Variants in DNAH11 observed in about 807,000 individuals in gnomAD.
DNAH11 encodes axonemal beta dynein heavy chain 11.
A neutral mutation model predicts 526.0 loss-of-function variants in DNAH11; 442 were observed. The observed-to-expected ratio is 0.84, with a 90% confidence interval of 0.78 to 0.91. DNAH11 has a LOEUF of 0.91. Among genes scored for constraint, DNAH11 ranks in the 40% least tolerant of loss-of-function variants. The pLI is 0.00. For synonymous variants in DNAH11, 2,461 were observed against 1,935.9 expected, an observed-to-expected ratio of 1.27 and a Z score of -7.12; for missense variants, 6,989 against 5,448.7, an observed-to-expected ratio of 1.28 and a Z score of -8.90.
rs538241088 is a variant in DNAH11 at position 21,594,945 on chromosome 7, A to C, written c.2667+3368A>C. Among the ~76,000 whole-genome samples the C allele has an allele frequency of 1.4e-4, 22 of 152,290 alleles. No homozygotes were observed. In the South Asian group the frequency reaches 4.6e-3, roughly 32 times the overall value. ...AAATACAATCTGACTTTCATTCTAA[A>C]AGGATTTCTGGCTGTTGTGTTGAGA... On this transcript the variant is annotated intron_variant, in intron 14 of 81. Coordinates refer to ENST00000409508, the MANE Select transcript of DNAH11 (RefSeq NM_001277115.2).
chr7:21,845,075 TTA>T (rs1491388820), intron 66 of DNAH11, among the ~76,000 whole-genome samples: 1 of 152,200 alleles, frequency 6.6e-6, no homozygotes, highest in Non-Finnish European at 1.5e-5. Context: ...TATTTTTTTT[TTA>T]TGTTAGCATA....
intron 31 of DNAH11, 194 bp downstream of exon 31, chr7:21,681,871 G>A: frequency 1.4e-6 from 1 of 736,518 alleles, no homozygotes; most frequent in Non-Finnish European, 2.3e-6. Flanking sequence ...CCTATTCCAA[G>A]TGATATCCCA....
At position 21,868,980 on chromosome 7, in the gene DNAH11, G is replaced by T; in HGVS notation, c.11956G>T (p.Val3986Phe). 1 of 1,613,964 alleles carries T rather than the reference G, an allele frequency of 6.2e-7. No homozygotes were observed. The highest frequency in any genetic ancestry group is 8.5e-7 in the Non-Finnish European group (1 of 1,179,876). ...LEKASKGGHWVILQNVHLVAK... is the reference protein window; with the variant it reads ...LEKASKGGHWFILQNVHLVAK... The stretch of plus-strand genomic sequence containing the variant: ...GAAAGCTTCCAAAGGAGGACACTGG[G>T]TCATCCTCCAAGTGAGTATTAAGTT... The change falls in exon 73 of 82, where the codon GTC (valine) becomes TTC (phenylalanine). Residue 3986 changes from valine to phenylalanine, a missense_variant. Val to Phe is a conservative substitution (Grantham distance 50, BLOSUM62 -1). Transcript: ENST00000409508.
intron 18 of DNAH11, among the ~76,000 whole-genome samples, chr7:21,602,557 T>TTGTGTGTGTG (rs60703018): frequency 2.7e-5 from 4 of 149,126 alleles, no homozygotes; most frequent in East Asian, 4.0e-4. Context: ...ATTTTATAGA[T>TTGTGTGTGTG]TGTGTGTGTG....
chr7:21,754,162 T>C (rs1786527977), intron 54 of DNAH11, among the ~76,000 whole-genome samples: 2 of 152,192 alleles, frequency 1.3e-5, no homozygotes, highest in Admixed American at 1.3e-4. Context: ...ATTTTGATAA[T>C]AGTAGGAATT....
At chr7:21,665,584 T>C (rs1238636953) in intron 30 of DNAH11, among the ~76,000 whole-genome samples, 1 of 152,148 alleles carries the variant, frequency 6.6e-6, no homozygotes, top group Non-Finnish European at 1.5e-5. Flanking sequence ...CATATCCCAG[T>C]AGCTTTGGCT....
chr7:21,553,903 C>G (rs1313425629), intron 2 of DNAH11, among the ~76,000 whole-genome samples: 1 of 149,518 alleles, frequency 6.7e-6, no homozygotes, highest in Non-Finnish European at 1.5e-5. Context: ...ATCCATTAAT[C>G]CTTTGTAATT....
At chr7:21,573,028 C>G (rs1783954933) in intron 8 of DNAH11, among the ~76,000 whole-genome samples, 1 of 152,130 alleles carries the variant, frequency 6.6e-6, no homozygotes, top group Admixed American at 6.5e-5. Flanking sequence ...GAGTGTGAGA[C>G]TGAGCCTGCA....
intron 76 of DNAH11, among the ~76,000 whole-genome samples, chr7:21,886,047 C>T (rs1311430192): frequency 1.3e-5 from 2 of 152,140 alleles, no homozygotes; most frequent in East Asian, 3.9e-4. Flanking sequence ...TTCTTGGAAA[C>T]GTAAAGCACC....
At chr7:21,604,494 A>C (rs1785209491) in intron 18 of DNAH11, among the ~76,000 whole-genome samples, 1 of 152,092 alleles carries the variant, frequency 6.6e-6, no homozygotes, top group African/African-American at 2.4e-5. Context: ...TCCAGTTTCC[A>C]TAAGAGCTCA....
intron 76 of DNAH11, among the ~76,000 whole-genome samples, chr7:21,885,179 A>AAAAAC (rs1784082197): frequency 6.8e-6 from 1 of 147,668 alleles, no homozygotes; most frequent in African/African-American, 2.5e-5. Context: ...TATAAAAAAA[A>AAAAAC]AAAAAAAAAC....
intron 65 of DNAH11, among the ~76,000 whole-genome samples, chr7:21,832,418 C>A (rs1781822829): frequency 1.3e-5 from 2 of 152,154 alleles, no homozygotes; most frequent in African/African-American, 4.8e-5. Flanking sequence ...TTCTCCTTCG[C>A]TTATGAAGCT....
intron 65 of DNAH11, among the ~76,000 whole-genome samples, chr7:21,829,305 A>G (rs1226709591): frequency 6.6e-6 from 1 of 151,940 alleles, no homozygotes; most frequent in Admixed American, 6.6e-5. Flanking sequence ...TACCTTGACA[A>G]AATGCCTCTG....
At position 21,901,175 on chromosome 7, in the gene DNAH11, T is replaced by C; in HGVS notation, c.13472T>C (p.Ile4491Thr). ...YRTKLRGPSY[I>T]WTFRLKSEEK... ...ACCAAACTGAGAGGCCCCAGCTACA[T>C]CTGGACCTTCAGGCTGAAGAGCGAA... Residue 4491 changes from isoleucine (I) to threonine (T), a missense_variant, in exon 82 of 82, where the codon ATC (isoleucine) becomes ACC (threonine). Coordinates refer to ENST00000409508, the MANE Select transcript of DNAH11 (RefSeq NM_001277115.2). The C allele has an allele frequency of 6.2e-7, 1 of 1,613,098 alleles. No homozygotes were observed. The highest frequency in any genetic ancestry group is 8.5e-7 in the Non-Finnish European group (1 of 1,179,478).
intron 2 of DNAH11, among the ~76,000 whole-genome samples, chr7:21,546,424 G>C (rs1252186727): frequency 6.6e-6 from 1 of 152,184 alleles, no homozygotes; most frequent in East Asian, 1.9e-4. Context: ...AACTGAATCT[G>C]ATGACTTTGG....
rs6966926 is a variant in DNAH11, at chr7:21,560,868, A to G, written c.883-203A>G. On this transcript the variant is annotated intron_variant, in intron 4 of 81. Transcript: ENST00000409508. ...TAATAATATATATCCAAATTTAAAA[A>G]CCTAAATGCAAAATAAAATACAAGG... Among the ~76,000 whole-genome samples, 1,011 of 152,304 alleles carry G rather than the reference A, an allele frequency of 6.6e-3. 9 individuals carry two copies. Among genetic ancestry groups the G allele is most frequent in the African/African-American group, 0.023 (953 of 41,558 alleles).
chr7:21,854,956 A>G (rs1782779539), intron 68 of DNAH11, among the ~76,000 whole-genome samples: 1 of 152,028 alleles, frequency 6.6e-6, no homozygotes, highest in Admixed American at 6.6e-5. Flanking sequence ...AATTTTCAGT[A>G]AGGCTTTGAG....
intron 65 of DNAH11, among the ~76,000 whole-genome samples, chr7:21,831,828 C>T (rs1422607752): frequency 2.6e-5 from 4 of 152,256 alleles, no homozygotes; most frequent in Admixed American, 1.3e-4. Flanking sequence ...CAGTGGCTCA[C>T]GCCTGTAATC....
intron 2 of DNAH11, among the ~76,000 whole-genome samples, chr7:21,556,552 T>C (rs77793763): frequency 0.055 from 8,345 of 152,178 alleles, 758 homozygotes; most frequent in African/African-American, 0.19. Context: ...ATTCAAGGGG[T>C]GCATGTACTG....
Sources: allele counts gnomAD v4.1 joint callset (sites outside exome capture counted in the v4.1 genomes callset), GRCh38; gene constraint gnomAD v4.1.1; transcripts MANE v1.5; gene names NCBI Gene and HGNC (gene_info 2026-07-23, HGNC 2026-07-21).